Variants in HTR3A observed in about 807,000 individuals in gnomAD.
HTR3A encodes 5-hydroxytryptamine (serotonin) receptor 3A, ionotropic.
A neutral mutation model predicts 54.8 loss-of-function variants in HTR3A; 45 were observed. The ratio of observed to expected loss-of-function variants is 0.82; its 90% CI spans 0.65 to 1.05. The LOEUF (loss-of-function observed/expected upper bound fraction) is 1.05. HTR3A is among the 50% of genes least tolerant of loss of function. HTR3A has a pLI of 0.00. For missense variants in HTR3A, 657 were observed against 614.0 expected (o/e 1.07, Z -0.74); for synonymous variants, 297 against 256.0 (o/e 1.16, Z -1.53).
rs1420772148 is a variant in HTR3A at position 113,990,040 on chromosome 11, T to A, written c.*277T>A. ...CATGCTGTCTTAGATCAGGAGAAAC[T>A]CGGGCACTCCCTAAGTCCACTCTAG... On this transcript the variant is annotated 3_prime_UTR_variant, in exon 9 of 9. Coordinates refer to ENST00000504030, the MANE Select transcript of HTR3A (RefSeq NM_000869.6). The A allele has an allele frequency of 6.5e-6, 4 of 611,860 alleles. No homozygotes were observed. The highest frequency in any genetic ancestry group is 1.2e-5 in the Non-Finnish European group (4 of 329,572). The allele number at this position is 611,860 out of a possible 1,614,324, so 37.9% of individuals were successfully genotyped here.
chr11:113,979,917 A>G (rs751625405), intron 3 of HTR3A, among the ~76,000 whole-genome samples: 6 of 152,156 alleles, frequency 3.9e-5, no homozygotes, highest in Non-Finnish European at 7.4e-5. Context: ...AAGCATGAGG[A>G]CAGCTCACAG....
intron 8 of HTR3A, among the ~76,000 whole-genome samples, chr11:113,988,779 C>A (rs201320884): frequency 2.8e-5 from 4 of 141,762 alleles, no homozygotes; most frequent in Middle Eastern, 3.7e-3. Flanking sequence ...AAACAAACAA[C>A]AAACAAACAA....
Position 113,983,577 on chromosome 11 carries a change from C to T in HTR3A, c.544+288C>T, listed in dbSNP as rs149809684. The stretch of plus-strand genomic sequence containing the variant: ...ATGTGTGCGTATATATACACACATA[C>T]ACATCTATGGAAAGTACATGGAAAT... On this transcript the variant is annotated intron_variant, in intron 5 of 8. Coordinates refer to ENST00000504030, the MANE Select transcript of HTR3A (RefSeq NM_000869.6). 3.2e-3 allele frequency among the ~76,000 whole-genome samples: 482 copies of T among 152,270 alleles called. 3 individuals carry two copies. The highest frequency in any genetic ancestry group is 0.011 in the African/African-American group (455 of 41,532).
At position 113,989,597 on chromosome 11, in the gene HTR3A, C is replaced by G. The variant is rs375768932; in HGVS notation, c.1271C>G (p.Ser424Cys). ...AVCGLLQELS[S>C]IRQFLEKRDE... Reference sequence around the variant, plus strand: ...TGTGGGCTGCTGCAGGAGCTGTCCTCCATCCGGCAATTCCTGGAAAAGCGG... The same window carrying G: ...TGTGGGCTGCTGCAGGAGCTGTCCTGCATCCGGCAATTCCTGGAAAAGCGG... Residue 424 changes from serine (S) to cysteine (C), a missense_variant, in exon 9 of 9, where the codon TCC (serine) becomes TGC (cysteine). By Grantham distance (112) the Ser-to-Cys change is moderately radical. Transcript: ENST00000504030. The surrounding 1 kb of genome is among the most constrained non-coding windows in gnomAD (Gnocchi z 4.4). The G allele has an allele frequency of 2.5e-6, 4 of 1,614,228 alleles. No homozygotes were observed. In the African/African-American group the frequency reaches 4.0e-5, roughly 16 times the overall value.
At chr11:113,978,812 G>A (rs1950386744) in intron 2 of HTR3A, among the ~76,000 whole-genome samples, 1 of 152,066 alleles carries the variant, frequency 6.6e-6, no homozygotes, top group Admixed American at 6.5e-5. Flanking sequence ...ACAACATAGC[G>A]ACTGCATTTC....
chr11:113,981,179 T>G (rs1950417103), intron 3 of HTR3A, 24 bp from the exon 4 acceptor site: 1 of 1,465,912 alleles, frequency 6.8e-7, no homozygotes, highest in South Asian at 1.1e-5. Flanking sequence ...GGGCTGCCTG[T>G]GACCATCCCT....
intron 5 of HTR3A, among the ~76,000 whole-genome samples, chr11:113,984,154 C>A (rs949527864): frequency 6.6e-6 from 1 of 152,182 alleles, no homozygotes; most frequent in Non-Finnish European, 1.5e-5. Flanking sequence ...GCCTGGCCAA[C>A]CCCTCTACTC....
At position 113,983,132 on chromosome 11, in the gene HTR3A, G is replaced by T; in HGVS notation, c.387G>T (p.Gly129=). The change falls in exon 5 of 9, where the codon GGG becomes GGT. Residue 129 remains glycine, a synonymous_variant. Transcript: ENST00000504030. ...TTTCCCCCGCCAGCGTGGATGTGGG[G>T]AAGTCTCCAAATATCCCGTACGTGT... ...DILINEFVDV[G]KSPNIPYVYI... is the part of the protein sequence containing the mutation. 1 of 1,614,210 alleles carries T rather than the reference G, an allele frequency of 6.2e-7. No homozygotes were observed. Among genetic ancestry groups the T allele is most frequent in the Admixed American group, 1.7e-5 (1 of 60,022 alleles).
At chr11:113,977,447 C>T in intron 1 of HTR3A, 1 of 1,130,788 alleles carries the variant, frequency 8.8e-7, no homozygotes, top group African/African-American at 2.0e-5. Context: ...CTCGCTTAGG[C>T]CCCGTGGGCC....
intron 1 of HTR3A, among the ~76,000 whole-genome samples, chr11:113,976,406 G>A (rs914206538): frequency 2.0e-5 from 3 of 152,030 alleles, no homozygotes; most frequent in East Asian, 3.9e-4. Context: ...AGACGCACAC[G>A]GGTCTGCGTT....
In HTR3A at chr11:113,975,400, G is replaced by C; in HGVS notation, c.67+8G>C. 1 of 1,610,114 alleles carries C rather than the reference G, an allele frequency of 6.2e-7. No individual in the cohort carries two copies. The highest frequency in any genetic ancestry group is 8.5e-7 in the Non-Finnish European group (1 of 1,179,326). ...TCCTGGCACAGGGAGAAGGTAAGCA[G>C]ACTTCGGGAAGCAGCAGGACTTGGC... On this transcript the variant is annotated splice_region_variant and intron_variant, in intron 1 of 8. Transcript: ENST00000504030.
chr11:113,975,430 C>T, intron 1 of HTR3A, 38 bp downstream of exon 1: 1 of 1,562,180 alleles, frequency 6.4e-7, no homozygotes, highest in Non-Finnish European at 8.8e-7. Context: ...CTTGGCTGAC[C>T]ATCTGCTGAG....
chr11:113,985,917 G>A, intron 5 of HTR3A, 98 bp from the exon 6 acceptor site: 1 of 1,301,768 alleles, frequency 7.7e-7, no homozygotes, highest in Non-Finnish European at 1.1e-6. Flanking sequence ...TCGGATATCA[G>A]CTCCCCTTAA....
chr11:113,981,478 AC>A (rs1950421579), intron 4 of HTR3A, among the ~76,000 whole-genome samples, 166 bp downstream of exon 4: 4 of 151,842 alleles, frequency 2.6e-5, no homozygotes, highest in Admixed American at 2.6e-4. Flanking sequence ...TTCCCCCCCG[AC>A]CTTTTTCTGT....
rs1284729239 is a variant in HTR3A, at chr11:113,989,596, T to C, written c.1270T>C (p.Ser424Pro). 6.2e-7 allele frequency: 1 copy of C among 1,614,032 alleles called. No individual in the cohort carries two copies. The highest frequency in any genetic ancestry group is 8.5e-7 in the Non-Finnish European group (1 of 1,180,026). Reference protein sequence around the residue: ...AVCGLLQELSSIRQFLEKRDE... With the variant: ...AVCGLLQELSPIRQFLEKRDE... ...GTGTGGGCTGCTGCAGGAGCTGTCC[T>C]CCATCCGGCAATTCCTGGAAAAGCG... Residue 424 changes from serine to proline, a missense_variant, in exon 9 of 9, where the codon TCC becomes CCC. Coordinates refer to ENST00000504030, the MANE Select transcript of HTR3A (RefSeq NM_000869.6). The surrounding 1 kb of genome is among the most constrained non-coding windows in gnomAD (Gnocchi z 4.4).
intron 2 of HTR3A, among the ~76,000 whole-genome samples, chr11:113,978,861 C>T (rs1345955319): frequency 6.6e-6 from 1 of 152,114 alleles, no homozygotes; most frequent in Non-Finnish European, 1.5e-5. Flanking sequence ...TGGTGGCACA[C>T]ACCTGTAGTC....
rs540212344 is a variant in HTR3A at position 113,986,891 on chromosome 11, G to A, written c.983G>A (p.Arg328Gln). Reference protein sequence around the residue: ...ISLAETIFIVRLVHKQDLQQP... With the variant: ...ISLAETIFIVQLVHKQDLQQP... ...TTGGCCGAGACCATCTTCATTGTGC[G>A]GCTGGTGCACAAGCAAGACCTGCAG... Residue 328 changes from arginine to glutamine, a missense_variant, in exon 8 of 9, where the codon CGG (arginine) becomes CAG (glutamine). Transcript: ENST00000504030. 17 of 1,614,006 alleles carry A rather than the reference G, an allele frequency of 1.1e-5. No homozygotes were observed. The highest frequency in any genetic ancestry group is 3.3e-5 in the South Asian group (3 of 91,076).
rs772177508 is a variant in HTR3A at position 113,975,190 on chromosome 11, A to T, written c.-136A>T. The stretch of plus-strand genomic sequence containing the variant: ...GGTGGCCCAGGGAGTGTGAGGCTGC[A>T]GCCTCAGAAGGTGTGAGCAGTGGCC... On this transcript the variant is annotated 5_prime_UTR_variant, in exon 1 of 9. Transcript: ENST00000504030. 11 of 803,736 alleles carry T rather than the reference A, an allele frequency of 1.4e-5. No individual in the cohort carries two copies. The Admixed American group carries it at 1.8e-4, about 13-fold the overall frequency. The allele number at this position is 803,736 out of a possible 1,614,324, so 49.8% of individuals were successfully genotyped here.
chr11:113,986,770 C>A lies in HTR3A; in HGVS notation c.916+42C>A. 7 of 1,614,116 alleles carry A rather than the reference C, an allele frequency of 4.3e-6. No individual in the cohort carries two copies. The South Asian group carries it at 4.4e-5, about 10-fold the overall frequency. ...CAGCAGAGCTCAGTCTGGTGAGAAA[C>A]CCGCCCCCTCCCACCTCCTGCATGT... On this transcript the variant is annotated intron_variant, in intron 7 of 8. Coordinates refer to ENST00000504030, the MANE Select transcript of HTR3A (RefSeq NM_000869.6).
Sources: allele counts gnomAD v4.1 joint callset (sites outside exome capture counted in the v4.1 genomes callset), GRCh38; gene constraint gnomAD v4.1.1; non-coding constraint Gnocchi (gnomAD v3.1); transcripts MANE v1.5; gene names NCBI Gene and HGNC (gene_info 2026-07-23, HGNC 2026-07-21).